Variants in SLC8B1 observed in about 807,000 individuals in gnomAD.
SLC8B1 encodes solute carrier family 8 member B1.
Under a neutral mutation model 63.4 loss-of-function variants are expected in SLC8B1, and 52 were observed. The observed-to-expected ratio is 0.82, with a 90% confidence interval of 0.66 to 1.03. The LOEUF (loss-of-function observed/expected upper bound fraction) is 1.03, where lower values mean the gene tolerates loss of function less well. SLC8B1 is among the 50% of genes least tolerant of loss of function. The pLI is 0.00. For missense variants in SLC8B1, 657 were observed against 741.7 expected (o/e 0.89, Z 1.33); for synonymous variants, 336 against 323.9 (o/e 1.04, Z -0.40).
intron 15 of SLC8B1, chr12:113,302,225 A>G (rs1956597913): frequency 6.2e-6 from 1 of 160,250 alleles, no homozygotes; most frequent in Non-Finnish European, 1.4e-5. Context: ...AAATCCAATG[A>G]CTCATGTCTC....
intron 8 of SLC8B1, among the ~76,000 whole-genome samples, chr12:113,318,307 A>G (rs2136848977): frequency 6.7e-6 from 1 of 148,818 alleles, no homozygotes. Context: ...GTATTTGTGT[A>G]TGTGCGCATG....
At chr12:113,333,906 G>A (rs866162746) in intron 1 of SLC8B1, among the ~76,000 whole-genome samples, 3 of 152,142 alleles carry the variant, frequency 2.0e-5, no homozygotes, top group Non-Finnish European at 2.9e-5. Flanking sequence ...ACGGGGTTTC[G>A]CCATGTTGGC....
In SLC8B1 at chr12:113,320,378, G is replaced by C. The variant is rs778437458; in HGVS notation, c.647C>G (p.Thr216Ser). 2 of 1,614,200 alleles carry C rather than the reference G, an allele frequency of 1.2e-6. No individual in the cohort carries two copies. The highest frequency in any genetic ancestry group is 4.5e-5 in the East Asian group (2 of 44,884). ...CCTGCCACGGAAGAGCATGAGGAAG[G>C]TCAGGAACACAGCCACCATGTAGAA... Reference protein sequence around the residue: ...IVFYMVAVFLTFLMLFRGRVT... With the variant: ...IVFYMVAVFLSFLMLFRGRVT... Residue 216 changes from threonine to serine, a missense_variant, in exon 7 of 16, where the codon ACC becomes AGC. By Grantham distance (58) the Thr-to-Ser change is moderately conservative. Coordinates refer to ENST00000680972, the MANE Select transcript of SLC8B1 (RefSeq NM_001358345.2). The surrounding 1 kb of genome is among the most constrained non-coding windows in gnomAD (Gnocchi z 5.3).
intron 1 of SLC8B1, 79 bp downstream of exon 1, chr12:113,334,364 T>G (rs924974148): frequency 1.3e-5 from 2 of 151,796 alleles, no homozygotes; most frequent in Non-Finnish European, 2.9e-5. Context: ...CTCAATGTAC[T>G]GGCAGCCTGA....
At chr12:113,331,386 G>GAAAAAAAAAAAAAA (rs752575330) in intron 2 of SLC8B1, among the ~76,000 whole-genome samples, 1 of 85,860 alleles carries the variant, frequency 1.2e-5, no homozygotes, top group Non-Finnish European at 2.4e-5. Context: ...GACTGTTCTC[G>GAAAAAAAAAAAAAA]AAAAAAAAAA....
chr12:113,318,114 G>A (rs1385902029), intron 8 of SLC8B1, among the ~76,000 whole-genome samples: 4 of 152,146 alleles, frequency 2.6e-5, no homozygotes, highest in African/African-American at 7.2e-5. Flanking sequence ...TTGTATAAGT[G>A]TGTTGTGTAT....
At chr12:113,324,553 C>T (rs1296593498) in intron 2 of SLC8B1, among the ~76,000 whole-genome samples, 1 of 151,328 alleles carries the variant, frequency 6.6e-6, no homozygotes, top group Non-Finnish European at 1.5e-5. Context: ...ACTACAGGTG[C>T]CCACCGACAC....
At chr12:113,318,054 ATG>A (rs766700060) in intron 8 of SLC8B1, among the ~76,000 whole-genome samples, 27 of 151,788 alleles carry the variant, frequency 1.8e-4, no homozygotes, top group Admixed American at 9.2e-4. Flanking sequence ...ATGCATCTGT[ATG>A]TGTTGCATGT....
chr12:113,330,082 C>T (rs1485853401), intron 2 of SLC8B1, among the ~76,000 whole-genome samples: 1 of 152,166 alleles, frequency 6.6e-6, no homozygotes, highest in Non-Finnish European at 1.5e-5. Flanking sequence ...CTAAGCAAAG[C>T]AGCACCCCCC....
At chr12:113,315,933 C>A (rs1019955824) in intron 10 of SLC8B1, among the ~76,000 whole-genome samples, 20 of 152,218 alleles carry the variant, frequency 1.3e-4, no homozygotes, top group Admixed American at 1.1e-3. Flanking sequence ...CATCTCAGAT[C>A]TTTAATGATG....
intron 2 of SLC8B1, among the ~76,000 whole-genome samples, chr12:113,324,317 A>C (rs1956967908): frequency 6.6e-6 from 1 of 151,590 alleles, no homozygotes; most frequent in African/African-American, 2.4e-5. Flanking sequence ...TCTCAAAAAA[A>C]AACAAACAAA....
In SLC8B1 at chr12:113,315,617, G is replaced by A; in HGVS notation, c.994-141C>T. On this transcript the variant is annotated intron_variant, in intron 10 of 15. Transcript: ENST00000680972. ...GTGCGGGTTCCAGGCTAAGTGCCTG[G>A]TTGCCTCTGGCTACTGGGACAAATG... The A allele has an allele frequency of 3.9e-6, 4 of 1,023,836 alleles. No individual in the cohort carries two copies. In the South Asian group the frequency reaches 7.3e-5, roughly 19 times the overall value. 63.4% of individuals were successfully genotyped at this position (1,023,836 alleles called of 1,614,324 possible).
intron 11 of SLC8B1, among the ~76,000 whole-genome samples, chr12:113,315,060 C>T (rs1566232547): frequency 6.6e-6 from 1 of 152,162 alleles, no homozygotes; most frequent in Non-Finnish European, 1.5e-5. Context: ...CCAAGATGGG[C>T]GGATCACTTG....
At chr12:113,334,131 G>A (rs3815890) in intron 1 of SLC8B1, among the ~76,000 whole-genome samples, 20,546 of 152,190 alleles carry the variant, frequency 0.14, 1,549 homozygotes, top group African/African-American at 0.21. Flanking sequence ...GGTTAGCAGT[G>A]GGGCCGGGCT....
rs1450157942 is a variant in SLC8B1, at chr12:113,321,094, G to A, written c.324C>T (p.Leu108=). The A allele has an allele frequency of 6.2e-7, 1 of 1,613,958 alleles. No individual in the cohort carries two copies. The highest frequency in any genetic ancestry group is 8.5e-7 in the Non-Finnish European group (1 of 1,179,946). Residue 108 remains leucine, a synonymous_variant, in exon 4 of 16, where the codon CTC becomes CTT. Coordinates refer to ENST00000680972, the MANE Select transcript of SLC8B1 (RefSeq NM_001358345.2). ...TGACTCCCAGAATCAGAAACAGGTA[G>A]AGCAGCCAGGAAACCTGGGTGGGGA... ...LAVTLYVSWL[L]YLFLILGVTA... is the part of the protein sequence containing the mutation.
intron 15 of SLC8B1, chr12:113,302,221 A>G (rs1437656859): frequency 6.2e-6 from 1 of 160,316 alleles, no homozygotes; most frequent in East Asian, 1.8e-4. Context: ...CCCTAAATCC[A>G]ATGACTCATG....
intron 12 of SLC8B1, chr12:113,308,245 C>T: frequency 5.8e-6 from 1 of 173,802 alleles, no homozygotes; most frequent in South Asian, 1.2e-4. Context: ...ACTCGAGAGG[C>T]TGAGGTGGGA....
chr12:113,331,720 C>T (rs1386912326), intron 2 of SLC8B1, among the ~76,000 whole-genome samples: 2 of 152,110 alleles, frequency 1.3e-5, no homozygotes, highest in African/African-American at 2.4e-5. Context: ...TGACCTATTG[C>T]GGGACCTCAC....
At chr12:113,318,569 G>T (rs989944808) in intron 8 of SLC8B1, among the ~76,000 whole-genome samples, 1 of 152,178 alleles carries the variant, frequency 6.6e-6, no homozygotes, top group Non-Finnish European at 1.5e-5. Flanking sequence ...TGTGTGTTGT[G>T]TGCATGTATT....
Sources: allele counts gnomAD v4.1 joint callset (sites outside exome capture counted in the v4.1 genomes callset), GRCh38; gene constraint gnomAD v4.1.1; non-coding constraint Gnocchi (gnomAD v3.1); transcripts MANE v1.5; gene names NCBI Gene and HGNC (gene_info 2026-07-23, HGNC 2026-07-21).